The following DMD variants were observed in gnomAD, a reference collection of about 807,000 sequenced individuals.
DMD encodes the protein mutant dystrophin.
DMD carries 63 observed loss-of-function variants against 330.1 expected under a neutral mutation model. That is an observed-to-expected ratio of 0.19 (90% CI 0.16 to 0.24). The LOEUF (loss-of-function observed/expected upper bound fraction) is 0.24, where lower values mean the gene tolerates loss of function less well. Among genes scored for constraint, DMD ranks in the 10% least tolerant of loss-of-function variants. The probability of loss-of-function intolerance (pLI) is 1.00; values close to 1 mark genes in which losing one functional copy is unlikely to be tolerated. For missense variants in DMD, 3,344 were observed against 2,684.1 expected, an observed-to-expected ratio of 1.25 and a Z score of -5.43; for synonymous variants, 1,223 against 959.8, an observed-to-expected ratio of 1.27 and a Z score of -5.07.
intron 54 of DMD, among the ~76,000 whole-genome samples, chrX:31,636,014 T>C (rs962577794): frequency 8.9e-6 from 1 of 112,104 alleles, no homozygotes; most frequent in Non-Finnish European, 1.9e-5. Flanking sequence ...TTTCAGTCAT[T>C]GTGAAAACCA....
intron 60 of DMD, among the ~76,000 whole-genome samples, chrX:31,415,218 T>C (rs1379632294): frequency 1.8e-5 from 2 of 112,465 alleles, no homozygotes; most frequent in Non-Finnish European, 3.7e-5. Context: ...ACTTATTTTA[T>C]TAATCATATA....
At chrX:32,094,084 G>A (rs940012025) in intron 44 of DMD, among the ~76,000 whole-genome samples, 1 of 111,800 alleles carries the variant, frequency 8.9e-6, no homozygotes, top group Admixed American at 9.5e-5. Context: ...TGCTTTGCAA[G>A]TTGTAAAATT....
At chrX:32,908,894 G>T (rs2086955422) in intron 2 of DMD, among the ~76,000 whole-genome samples, 2 of 110,871 alleles carry the variant, frequency 1.8e-5, no homozygotes, top group African/African-American at 6.6e-5. Context: ...GTATTGTCAT[G>T]GTATGTGAAC....
chrX:32,133,721 G>C, intron 44 of DMD, among the ~76,000 whole-genome samples: 1 of 111,127 alleles, frequency 9.0e-6, no homozygotes, highest in Non-Finnish European at 1.9e-5. Context: ...AGAAATCCTT[G>C]TTGGCCCCAC....
chrX:31,145,662 A>ATTTTTTTTTTTTTTTTTT (rs749721258), intron 76 of DMD, among the ~76,000 whole-genome samples: 1 of 86,320 alleles, frequency 1.2e-5, no homozygotes, highest in African/African-American at 4.6e-5. Context: ...TGGGAACTCT[A>ATTTTTTTTTTTTTTTTTT]TTTTTTTTTT....
At chrX:31,591,663 G>A (rs1270948200) in intron 55 of DMD, among the ~76,000 whole-genome samples, 5 of 111,035 alleles carry the variant, frequency 4.5e-5, no homozygotes, top group Non-Finnish European at 9.5e-5. Flanking sequence ...ATAAACACAA[G>A]CAAAGAATCA....
chrX:32,705,780 T>G (rs1225748529), intron 7 of DMD, among the ~76,000 whole-genome samples: 1 of 111,860 alleles, frequency 8.9e-6, no homozygotes, highest in Non-Finnish European at 1.9e-5. Flanking sequence ...TGATGGCCAG[T>G]GATGATGAGC....
intron 5 of DMD, among the ~76,000 whole-genome samples, chrX:32,819,958 G>A (rs997912065): frequency 9.0e-6 from 1 of 111,333 alleles, no homozygotes; most frequent in African/African-American, 3.3e-5. Flanking sequence ...ACAGGGCAGT[G>A]TGATATAAGA....
intron 18 of DMD, chrX:32,516,608 A>G (rs1270952592): frequency 8.9e-6 from 1 of 111,851 alleles, no homozygotes; most frequent in African/African-American, 3.2e-5. Flanking sequence ...TGAGAATCAG[A>G]TCAATAATCA....
chrX:31,487,535 A>G (rs1343752064), intron 57 of DMD, among the ~76,000 whole-genome samples: 1 of 111,879 alleles, frequency 8.9e-6, no homozygotes, highest in Non-Finnish European at 1.9e-5. Context: ...ACAAATCGGT[A>G]TTGTTAACTA....
At chrX:31,424,044 C>T (rs2063569808) in intron 60 of DMD, among the ~76,000 whole-genome samples, 1 of 110,806 alleles carries the variant, frequency 9.0e-6, no homozygotes, top group Admixed American at 9.7e-5. Context: ...AAGAGAACCC[C>T]AGGGCACAGT....
At chrX:32,555,108 C>G (rs981760295) in intron 16 of DMD, among the ~76,000 whole-genome samples, 4 of 110,414 alleles carry the variant, frequency 3.6e-5, no homozygotes, top group African/African-American at 1.3e-4. Flanking sequence ...CCACCACAAT[C>G]AAGTTTGCTT....
chrX:32,254,966 A>C (rs1207597846), intron 43 of DMD, among the ~76,000 whole-genome samples: 1 of 111,885 alleles, frequency 8.9e-6, no homozygotes, highest in Non-Finnish European at 1.9e-5. Context: ...TTCTAAACTG[A>C]AACTCTATAC....
chrX:31,828,987 T>A (rs1365604255), intron 49 of DMD, among the ~76,000 whole-genome samples: 1 of 111,965 alleles, frequency 8.9e-6, no homozygotes, highest in Non-Finnish European at 1.9e-5. Flanking sequence ...AACCCAAGTG[T>A]CCATCGACCA....
intron 44 of DMD, among the ~76,000 whole-genome samples, chrX:31,973,461 C>G (rs867773404): frequency 9.1e-6 from 1 of 110,213 alleles, no homozygotes. Flanking sequence ...GGACAAGAAT[C>G]CAGTCCATAT....
intron 55 of DMD, among the ~76,000 whole-genome samples, chrX:31,560,357 A>G (rs2075126348): frequency 9.0e-6 from 1 of 111,648 alleles, no homozygotes; most frequent in Non-Finnish European, 1.9e-5. Context: ...GGACACATAA[A>G]TCTCTAATTA....
intron 1 of DMD, among the ~76,000 whole-genome samples, chrX:33,153,333 C>T (rs140889647): frequency 0.013 from 1,418 of 112,534 alleles, 28 homozygotes; most frequent in African/African-American, 0.044. Flanking sequence ...ATCACTTGAA[C>T]CCAGGAGGTG....
At chrX:32,122,869 C>A (rs989880986) in intron 44 of DMD, among the ~76,000 whole-genome samples, 1 of 110,864 alleles carries the variant, frequency 9.0e-6, no homozygotes, top group Non-Finnish European at 1.9e-5. Flanking sequence ...TTTCTTCTCA[C>A]ATTGAACATT....
chrX:31,580,240 G>A (rs2076280136), intron 55 of DMD, among the ~76,000 whole-genome samples: 1 of 112,160 alleles, frequency 8.9e-6, no homozygotes, highest in Non-Finnish European at 1.9e-5. Context: ...CCTACCACAG[G>A]GGGAAATAAA....
Sources: allele counts gnomAD v4.1 joint callset (sites outside exome capture counted in the v4.1 genomes callset), GRCh38; gene constraint gnomAD v4.1.1; transcripts MANE v1.5; gene names NCBI Gene and HGNC (gene_info 2026-07-23, HGNC 2026-07-21).